PRCD: variants seen among roughly 807,000 people sequenced by gnomAD.
PRCD encodes photoreceptor disc component, also known as photoreceptor disk component PRCD.
A neutral mutation model predicts 10.1 loss-of-function variants in PRCD; 12 were observed. The observed-to-expected ratio is 1.18, with a 90% CI of 0.76 to 1.92. PRCD has a LOEUF of 1.92. PRCD is among the 40% of genes most tolerant of loss of function. The probability of loss-of-function intolerance (pLI) is 0.00; values close to 1 mark genes in which losing one functional copy is unlikely to be tolerated. For missense variants in PRCD, 61 were observed against 72.2 expected (o/e 0.84, Z 0.56); for synonymous variants, 31 against 26.2 (o/e 1.18, Z -0.56).
In PRCD at chr17:76,545,268, C is replaced by G; in HGVS notation, c.*1618C>G. The G allele has an allele frequency of 2.2e-6, 1 of 456,792 alleles. No homozygotes were observed. Among genetic ancestry groups the G allele is most frequent in the Non-Finnish European group, 4.4e-6 (1 of 226,984 alleles). 28.3% of individuals were successfully genotyped at this position (456,792 alleles called of 1,614,324 possible). A position where few individuals can be genotyped will look rare whatever the true frequency, so the allele number is the denominator to read the frequency against. ...CTCCCCACAGAAGGCTCCTGGGACC[C>G]GGGTGCCCCTTCCTTGGCCCACTGG... On this transcript the variant is annotated 3_prime_UTR_variant, in exon 5 of 5. Transcript: ENST00000592014.
chr17:76,551,796 G>A (rs2143225673), intron 1 of PRCD: 1 of 152,236 alleles, frequency 6.6e-6, no homozygotes, highest in African/African-American at 2.4e-5. Flanking sequence ...ATGGCATGGT[G>A]GCTGAGACCA....
At chr17:76,541,006 A>G (rs1357339610) in intron 2 of PRCD, among the ~76,000 whole-genome samples, 1 of 152,122 alleles carries the variant, frequency 6.6e-6, no homozygotes, top group Non-Finnish European at 1.5e-5. Flanking sequence ...TCCCCAATAG[A>G]AGGCGCGGGA....
Position 76,531,678 on chromosome 17 carries a change from A to T in PRCD, n.45+3845A>T, listed in dbSNP as rs1430750376. On this transcript the variant is annotated intron_variant and non_coding_transcript_variant, in intron 1 of 4. Transcript: ENST00000397633. The surrounding 1 kb of genome is among the most constrained non-coding windows in gnomAD (Gnocchi z 7.4). ...CTGAAGTACTGCTTGGCCGAGGGGA[A>T]GTTCACAAAGAACCTGGCAAGAGGA... The T allele has an allele frequency of 6.3e-7, 1 of 1,594,856 alleles. No homozygotes were observed. The highest frequency in any genetic ancestry group is 1.1e-5 in the South Asian group (1 of 90,508).
chr17:76,528,047 C>T lies in PRCD; in HGVS notation n.45+214C>T, dbSNP rs1475958158. 3 of 370,570 alleles carry T rather than the reference C, an allele frequency of 8.1e-6. No homozygotes were observed. Among genetic ancestry groups the T allele is most frequent in the Non-Finnish European group, 1.5e-5 (3 of 194,400 alleles). The allele number at this position is 370,570 out of a possible 1,614,324, so 23.0% of individuals were successfully genotyped here. A position where few individuals can be genotyped will look rare whatever the true frequency, so the allele number is the denominator to read the frequency against. On this transcript the variant is annotated intron_variant and non_coding_transcript_variant, in intron 1 of 4. Coordinates refer to the PRCD transcript ENST00000397633. This position sits in a 1 kb window ranked among gnomAD's most constrained non-coding sequence, Gnocchi z 5.8. ...GTTCTCTGCACAACCGGAACCCCTC[C>T]CTGCCCCACTCACAGGTGGGCCAAA...
chr17:76,549,536 TAC>T (rs2075087409), downstream of PRCD, among the ~76,000 whole-genome samples: 1 of 152,212 alleles, frequency 6.6e-6, no homozygotes, highest in Non-Finnish European at 1.5e-5. Context: ...GGTGAAGTGT[TAC>T]AACCACTTGG....
At chr17:76,536,891 G>A (rs538824086), upstream of PRCD, among the ~76,000 whole-genome samples, 40 of 152,182 alleles carry the variant, frequency 2.6e-4, 1 homozygote, top group South Asian at 8.1e-3. Context: ...TGGACCCCCC[G>A]GGCTCTCCTC....
At chr17:76,532,829 G>A (rs551150173) in intron 1 of PRCD, among the ~76,000 whole-genome samples, 16 of 152,264 alleles carry the variant, frequency 1.1e-4, no homozygotes, top group African/African-American at 2.9e-4. Flanking sequence ...GAGCCACCAC[G>A]CCCGGCCGAC....
At chr17:76,529,061 C>A (rs1363673227) in intron 1 of PRCD, 26 of 541,286 alleles carry the variant, frequency 4.8e-5, no homozygotes, top group Non-Finnish European at 6.0e-5. Flanking sequence ...CCCCACCCCC[C>A]ACCCACGCAA....
chr17:76,550,956 A>T (rs1040536715), intron 1 of PRCD: 1 of 152,214 alleles, frequency 6.6e-6, no homozygotes, highest in Non-Finnish European at 1.5e-5. Flanking sequence ...CATTTTACAG[A>T]TGAGAAAATA....
chr17:76,536,814 C>CTCCACTCCA (rs1322076380), upstream of PRCD, among the ~76,000 whole-genome samples: 4 of 152,214 alleles, frequency 2.6e-5, no homozygotes, highest in East Asian at 7.7e-4. Flanking sequence ...TCTCCACTCA[C>CTCCACTCCA]CTGTGCCTGC....
In PRCD at chr17:76,540,574, G is replaced by T; in HGVS notation, c.143+1G>T. ...ATGCGGACCCTCAGTCCTCAGGCAG[G>T]TAAGGCAGGAGTCTGGGCTGGGGGA... On this transcript the variant is annotated splice_donor_variant, in intron 2 of 4. Coordinates refer to ENST00000592014, the MANE Select transcript of PRCD (RefSeq NM_001077620.3). LOFTEE classifies it high-confidence loss of function. This position sits in a 1 kb window ranked among gnomAD's most constrained non-coding sequence, Gnocchi z 5.0. 6.2e-7 allele frequency: 1 copy of T among 1,613,364 alleles called. No homozygotes were observed. The highest frequency in any genetic ancestry group is 8.5e-7 in the Non-Finnish European group (1 of 1,179,854).
Position 76,540,233 on chromosome 17 carries a change from C to A in PRCD, c.74+18C>A. ...GTCCAACCGTGAGAAACTGACCGGG[C>A]TATGGCTGGCGGTTGGTCGGGGGGG... On this transcript the variant is annotated intron_variant, in intron 1 of 4. Transcript: ENST00000592014. The surrounding 1 kb of genome is among the most constrained non-coding windows in gnomAD (Gnocchi z 5.0). 3.0e-6 allele frequency: 2 copies of A among 660,580 alleles called. No individual in the cohort carries two copies. Among genetic ancestry groups the A allele is most frequent in the Non-Finnish European group, 4.6e-6 (2 of 430,474 alleles). 40.9% of individuals were successfully genotyped at this position (660,580 alleles called of 1,614,324 possible).
At chr17:76,552,247 T>G (rs1253559046) in intron 1 of PRCD, 1 of 152,090 alleles carries the variant, frequency 6.6e-6, no homozygotes, top group Non-Finnish European at 1.5e-5. Context: ...CAGGCTGGAG[T>G]GCAGTGGTAC....
Position 76,544,962 on chromosome 17 carries a change from C to A in PRCD, c.*1312C>A, listed in dbSNP as rs561866680. ...TCCAGGGATCCATCCAGAGGAAGGG[C>A]GGGAAAAAGAGAGGAAGGGGCTGCT... On this transcript the variant is annotated 3_prime_UTR_variant, in exon 5 of 5. Transcript: ENST00000592014. 2.2e-6 allele frequency: 1 copy of A among 453,182 alleles called. No individual in the cohort carries two copies. Among genetic ancestry groups the A allele is most frequent in the Admixed American group, 2.4e-5 (1 of 42,336 alleles). The allele number at this position is 453,182 out of a possible 1,614,324, so 28.1% of individuals were successfully genotyped here.
At chr17:76,537,904 C>G (rs1365960666), upstream of PRCD, 1 of 151,334 alleles carries the variant, frequency 6.6e-6, no homozygotes, top group Non-Finnish European at 1.5e-5. Flanking sequence ...CGCCCGCCCA[C>G]CCGCAGGCCA....
At position 76,540,250 on chromosome 17, in the gene PRCD, TCGGGGGGGG is replaced by T; in HGVS notation, c.74+36_74+44del. ...TGACCGGGCTATGGCTGGCGGTTGG[TCGGGGGGGG>T]GGGGCATGGGGCTGGGCTGCCACCA... On this transcript the variant is annotated intron_variant, in intron 1 of 4. Coordinates refer to ENST00000592014, the MANE Select transcript of PRCD (RefSeq NM_001077620.3). The surrounding 1 kb of genome is among the most constrained non-coding windows in gnomAD (Gnocchi z 5.0). 9 of 463,672 alleles carry T rather than the reference TCGGGGGGGG, an allele frequency of 1.9e-5. 1 individual carries two copies. Among genetic ancestry groups the T allele is most frequent in the East Asian group, 4.2e-5 (1 of 23,658 alleles). The allele number at this position is 463,672 out of a possible 1,614,324, so 28.7% of individuals were successfully genotyped here.
chr17:76,543,652 A>C, intron 4 of PRCD, 151 bp from the exon 5 acceptor site: 1 of 420,744 alleles, frequency 2.4e-6, no homozygotes, highest in Non-Finnish European at 4.9e-6. Flanking sequence ...CCTGGAACCT[A>C]ACAGTTTGCA....
Position 76,540,389 on chromosome 17 carries a change from C to T in PRCD, c.75-116C>T. On this transcript the variant is annotated intron_variant, in intron 1 of 4. Transcript: ENST00000592014. This position sits in a 1 kb window ranked among gnomAD's most constrained non-coding sequence, Gnocchi z 5.0. The stretch of plus-strand genomic sequence containing the variant: ...CTCAGAGCAGGGGGACTTAGAGCTT[C>T]AAAGGCTCTAGTTGCAGCCTCTACT... 2 of 1,331,890 alleles carry T rather than the reference C, an allele frequency of 1.5e-6. No individual in the cohort carries two copies. The highest frequency in any genetic ancestry group is 2.2e-6 in the Non-Finnish European group (2 of 926,638). 82.5% of individuals were successfully genotyped at this position (1,331,890 alleles called of 1,614,324 possible).
chr17:76,543,082 G>A lies in PRCD; in HGVS notation c.*113G>A. On this transcript the variant is annotated 3_prime_UTR_variant, in exon 4 of 5. Coordinates refer to ENST00000592014, the MANE Select transcript of PRCD (RefSeq NM_001077620.3). ...GGAGGATGCTGTGGGAGCTGCAGCA[G>A]CGGCAAGAGGGAGAATGGGGGGAAG... 2.1e-6 allele frequency: 1 copy of A among 471,628 alleles called. No homozygotes were observed. Among genetic ancestry groups the A allele is most frequent in the Non-Finnish European group, 4.4e-6 (1 of 227,390 alleles). The allele number at this position is 471,628 out of a possible 1,614,324, so 29.2% of individuals were successfully genotyped here. A position where few individuals can be genotyped will look rare whatever the true frequency, so the allele number is the denominator to read the frequency against.
Sources: allele counts gnomAD v4.1 joint callset (sites outside exome capture counted in the v4.1 genomes callset), GRCh38; gene constraint gnomAD v4.1.1; non-coding constraint Gnocchi (gnomAD v3.1); transcripts MANE v1.5; gene names NCBI Gene and HGNC (gene_info 2026-07-23, HGNC 2026-07-21).